Variants in ARHGAP15 observed in about 807,000 individuals in gnomAD.
ARHGAP15 encodes the protein Rho GTPase activating protein 15.
A neutral mutation model predicts 63.7 loss-of-function variants in ARHGAP15; 51 were observed. The ratio of observed to expected loss-of-function variants is 0.80; its 90% confidence interval spans 0.64 to 1.01. The LOEUF (loss-of-function observed/expected upper bound fraction) is 1.01, where lower values mean the gene tolerates loss of function less well. ARHGAP15 is among the 50% of genes least tolerant of loss of function. The pLI, the probability that ARHGAP15 is intolerant of heterozygous loss-of-function variation, is 0.00. For synonymous variants in ARHGAP15, 191 were observed against 193.8 expected, an observed-to-expected ratio of 0.99 and a Z score of 0.12; for missense variants, 560 against 564.6, an observed-to-expected ratio of 0.99 and a Z score of 0.08.
intron 6 of ARHGAP15, among the ~76,000 whole-genome samples, chr2:143,325,593 G>T (rs11900394): frequency 0.016 from 2,459 of 152,122 alleles, 71 homozygotes; most frequent in African/African-American, 0.055. Context: ...TATTTTGGTT[G>T]TTCTCCTTTT....
chr2:143,662,139 G>A (rs1292668397), intron 12 of ARHGAP15, among the ~76,000 whole-genome samples: 2 of 152,188 alleles, frequency 1.3e-5, no homozygotes, highest in Non-Finnish European at 2.9e-5. Flanking sequence ...ACAAAAAGCA[G>A]TAACCTCTGC....
At chr2:143,322,946 T>C (rs1345660886) in intron 6 of ARHGAP15, among the ~76,000 whole-genome samples, 3 of 152,244 alleles carry the variant, frequency 2.0e-5, no homozygotes, top group African/African-American at 7.2e-5. Flanking sequence ...CAACTGGTTG[T>C]CTGTCTTAGA....
chr2:143,701,104 G>C (rs1684070069), intron 12 of ARHGAP15, among the ~76,000 whole-genome samples: 1 of 151,960 alleles, frequency 6.6e-6, no homozygotes, highest in Non-Finnish European at 1.5e-5. Flanking sequence ...ACTGTGGGAG[G>C]CATTATTTAT....
intron 10 of ARHGAP15, among the ~76,000 whole-genome samples, chr2:143,533,813 T>G (rs1694626285): frequency 6.6e-6 from 1 of 152,202 alleles, no homozygotes; most frequent in Non-Finnish European, 1.5e-5. Flanking sequence ...TGCATTTGTT[T>G]CTGATGTAAT....
chr2:143,707,792 T>C (rs2105433728), intron 13 of ARHGAP15, among the ~76,000 whole-genome samples: 1 of 152,356 alleles, frequency 6.6e-6, no homozygotes, highest in Non-Finnish European at 1.5e-5. Flanking sequence ...ATGGTTTTTA[T>C]TTTCTTTCTG....
chr2:143,729,254 A>G (rs1362157162), intron 13 of ARHGAP15, among the ~76,000 whole-genome samples: 1 of 152,198 alleles, frequency 6.6e-6, no homozygotes, highest in Non-Finnish European at 1.5e-5. Flanking sequence ...CATTTCCCTA[A>G]TCAAGGGCAT....
intron 6 of ARHGAP15, among the ~76,000 whole-genome samples, chr2:143,390,686 T>TC (rs1337898588): frequency 2.7e-5 from 4 of 148,684 alleles, no homozygotes; most frequent in Non-Finnish European, 3.0e-5. Context: ...AGCTTGCAGA[T>TC]CCCCCCACCG....
chr2:143,243,200 A>G (rs529867632), intron 5 of ARHGAP15, among the ~76,000 whole-genome samples: 8 of 152,208 alleles, frequency 5.3e-5, no homozygotes, highest in Non-Finnish European at 1.0e-4. Flanking sequence ...CAAATATCCC[A>G]TAAAGAAAAA....
intron 12 of ARHGAP15, among the ~76,000 whole-genome samples, chr2:143,698,112 T>C (rs1378697313): frequency 6.6e-6 from 1 of 152,140 alleles, no homozygotes; most frequent in Non-Finnish European, 1.5e-5. Flanking sequence ...ATACATTGAT[T>C]ACTGGGATAA....
intron 12 of ARHGAP15, among the ~76,000 whole-genome samples, chr2:143,632,711 G>C (rs76273210): frequency 0.016 from 2,382 of 152,198 alleles, 30 homozygotes; most frequent in Non-Finnish European, 0.022. Context: ...CCTATTGCAT[G>C]TTCTAATGGT....
chr2:143,463,505 A>G (rs1691055546), intron 8 of ARHGAP15, among the ~76,000 whole-genome samples: 1 of 128,772 alleles, frequency 7.8e-6, no homozygotes, highest in Non-Finnish European at 1.6e-5. Flanking sequence ...ATGCCATTGC[A>G]TTCCAACCTC....
intron 12 of ARHGAP15, among the ~76,000 whole-genome samples, chr2:143,634,953 G>A (rs146897137): frequency 4.9e-4 from 74 of 151,946 alleles, no homozygotes; most frequent in African/African-American, 1.7e-3. Context: ...TGATGTTCAC[G>A]GTGGCACCAG....
intron 12 of ARHGAP15, among the ~76,000 whole-genome samples, chr2:143,698,523 A>G (rs1279777782): frequency 1.2e-5 from 1 of 82,244 alleles, no homozygotes; most frequent in Non-Finnish European, 3.5e-5. Context: ...CTTGTTTACA[A>G]CAATGAGTTT....
chr2:143,253,171 G>A (rs972498193), intron 6 of ARHGAP15, among the ~76,000 whole-genome samples: 2 of 148,850 alleles, frequency 1.3e-5, no homozygotes, highest in Non-Finnish European at 3.0e-5. Flanking sequence ...TCAAAGAAGA[G>A]CAAAATTAGA....
Position 143,346,563 on chromosome 2 carries a change from C to T in ARHGAP15, c.475-89038C>T, listed in dbSNP as rs146231992. ...CTGCAGCATCAAGTAACATTCCCTA[C>T]ATTATGCTATACTGAAACAAGTCAG... On this transcript the variant is annotated intron_variant, in intron 6 of 13. Transcript: ENST00000295095. 8.8e-3 allele frequency among the ~76,000 whole-genome samples: 1,335 copies of T among 152,172 alleles called. 5 individuals carry two copies. Among genetic ancestry groups the T allele is most frequent in the Admixed American group, 0.016 (244 of 15,260 alleles).
chr2:143,708,967 T>G (rs1371790660), intron 13 of ARHGAP15, among the ~76,000 whole-genome samples: 1 of 152,186 alleles, frequency 6.6e-6, no homozygotes, highest in Non-Finnish European at 1.5e-5. Flanking sequence ...CATATCCACC[T>G]AGAATCTTAT....
chr2:143,666,143 G>T (rs1199330836), intron 12 of ARHGAP15, among the ~76,000 whole-genome samples: 1 of 151,548 alleles, frequency 6.6e-6, no homozygotes, highest in Non-Finnish European at 1.5e-5. Context: ...AAAGCTGGAG[G>T]CATCACACTA....
chr2:143,474,444 A>G (rs1027836248), intron 8 of ARHGAP15, among the ~76,000 whole-genome samples: 2 of 152,238 alleles, frequency 1.3e-5, no homozygotes, highest in African/African-American at 4.8e-5. Flanking sequence ...GATGGCAATT[A>G]CTGCATTTAG....
chr2:143,611,267 A>C (rs147002434), intron 11 of ARHGAP15, among the ~76,000 whole-genome samples: 1 of 152,150 alleles, frequency 6.6e-6, no homozygotes, highest in Non-Finnish European at 1.5e-5. Flanking sequence ...CTTGAATGAC[A>C]CTTTTTCCCT....
Sources: gnomAD v4.1 joint callset for allele counts (sites outside exome capture counted in the v4.1 genomes callset) on GRCh38, gnomAD v4.1.1 for gene constraint, MANE v1.5 for transcripts, NCBI Gene and HGNC (gene_info 2026-07-23, HGNC 2026-07-21) for gene names.